Variants in PALM observed in about 807,000 individuals in gnomAD.
PALM encodes the protein paralemmin-1.
PALM carries 18 observed loss-of-function variants against 30.7 expected under a neutral mutation model. The ratio of observed to expected loss-of-function variants is 0.59; its 90% CI spans 0.41 to 0.87. PALM has a LOEUF of 0.87. PALM is among the 40% of genes least tolerant of loss of function. The pLI, the probability that PALM is intolerant of heterozygous loss-of-function variation, is 0.00. For synonymous variants in PALM, 286 were observed against 242.8 expected, an observed-to-expected ratio of 1.18 and a Z score of -1.66; for missense variants, 529 against 555.4, an observed-to-expected ratio of 0.95 and a Z score of 0.48.
chr19:710,907 G>A (rs553172148), intron 1 of PALM, among the ~76,000 whole-genome samples: 6 of 152,176 alleles, frequency 3.9e-5, no homozygotes, highest in Non-Finnish European at 5.9e-5. Context: ...ATCTGGTGCC[G>A]CCCGGCCTTG....
intron 1 of PALM, chr19:711,312 A>G (rs1464134016): frequency 2.1e-6 from 1 of 473,086 alleles, no homozygotes; most frequent in Non-Finnish European, 2.8e-6. Flanking sequence ...CTGGTAAAAT[A>G]AAGATATTTT....
chr19:727,772 G>T, intron 4 of PALM, 78 bp downstream of exon 4: 1 of 1,377,392 alleles, frequency 7.3e-7, no homozygotes, highest in Admixed American at 2.3e-5. Flanking sequence ...TGTGGGCTGG[G>T]AAGAGTCGTC....
At chr19:735,038 C>T (rs563600278) in intron 6 of PALM, 1 of 984,816 alleles carries the variant, frequency 1.0e-6, no homozygotes, top group African/African-American at 1.7e-5. Flanking sequence ...TTGTGAAAAT[C>T]ACTGGGCTGA....
intron 7 of PALM, among the ~76,000 whole-genome samples, chr19:737,715 C>A: frequency 6.6e-6 from 1 of 152,156 alleles, no homozygotes; most frequent in East Asian, 1.9e-4. Context: ...TGCAAAGGCC[C>A]CGGGGCAGGA....
chr19:724,366 G>A (rs1488325409), intron 1 of PALM, among the ~76,000 whole-genome samples: 1 of 152,076 alleles, frequency 6.6e-6, no homozygotes, highest in East Asian at 1.9e-4. Flanking sequence ...CTGTTGCCCA[G>A]GCTGGAGTGC....
intron 1 of PALM, among the ~76,000 whole-genome samples, chr19:724,197 G>T (rs1290314280): frequency 2.6e-5 from 4 of 152,134 alleles, no homozygotes; most frequent in African/African-American, 9.7e-5. Flanking sequence ...GGTGCCTGGT[G>T]GGGGTGGCGA....
At chr19:720,849 G>A (rs2032454686) in intron 1 of PALM, among the ~76,000 whole-genome samples, 2 of 152,316 alleles carry the variant, frequency 1.3e-5, no homozygotes, top group South Asian at 2.1e-4. Context: ...CCTGCCTGCC[G>A]GGTGGGGACC....
chr19:735,947 G>C lies in PALM; in HGVS notation c.443-72G>C, dbSNP rs1303116588. 5 of 1,300,112 alleles carry C rather than the reference G, an allele frequency of 3.8e-6. No homozygotes were observed. In the African/African-American group the frequency reaches 4.4e-5, roughly 12 times the overall value. 80.5% of individuals were successfully genotyped at this position (1,300,112 alleles called of 1,614,324 possible). A position where few individuals can be genotyped will look rare whatever the true frequency, so the allele number is the denominator to read the frequency against. ...GGATGCACTTCTGTGAAGGGGCGTTGGGCTGTCTGGGGGGTCCATGTGACC... is the reference window on the plus strand; with the variant it reads ...GGATGCACTTCTGTGAAGGGGCGTTCGGCTGTCTGGGGGGTCCATGTGACC... On this transcript the variant is annotated intron_variant, in intron 6 of 8. Transcript: ENST00000338448.
rs184380355 is a variant in PALM, at chr19:713,682, G to A, written c.5+4531G>A. Among the ~76,000 whole-genome samples the A allele has an allele frequency of 2.5e-3, 378 of 148,826 alleles. 6 individuals are homozygous for A. Among genetic ancestry groups the A allele is most frequent in the Admixed American group, 0.011 (162 of 14,906 alleles). ...CAACCTCTGCCTCCTGGGTTCACGCGATTCTCATGCCTCAGCCTCCCAAGC... is the reference window on the plus strand; with the variant it reads ...CAACCTCTGCCTCCTGGGTTCACGCAATTCTCATGCCTCAGCCTCCCAAGC... On this transcript the variant is annotated intron_variant, in intron 1 of 8. Transcript: ENST00000338448.
chr19:746,973 CAG>C lies in PALM; in HGVS notation c.*160_*161del, dbSNP rs2033367811. On this transcript the variant is annotated 3_prime_UTR_variant, in exon 9 of 9. Transcript: ENST00000338448. The surrounding 1 kb of genome is among the most constrained non-coding windows in gnomAD (Gnocchi z 7.1). ...AGTTTTCTTTCGCTGGAAAGAGGGA[CAG>C]GGGCCCCCACCCGTCACCACGCCCC... 6.5e-6 allele frequency: 4 copies of C among 612,882 alleles called. No homozygotes were observed. Among genetic ancestry groups the C allele is most frequent in the Admixed American group, 3.0e-5 (1 of 33,662 alleles). The allele number at this position is 612,882 out of a possible 1,614,324, so 38.0% of individuals were successfully genotyped here.
intron 8 of PALM, 86 bp downstream of exon 8, chr19:740,569 C>A: frequency 7.9e-7 from 1 of 1,268,996 alleles, no homozygotes. Context: ...CTGGCGTCTG[C>A]CCCGGAATCA....
chr19:727,893 G>A, intron 4 of PALM, 199 bp downstream of exon 4: 1 of 578,738 alleles, frequency 1.7e-6, no homozygotes, highest in Non-Finnish European at 3.0e-6. Context: ...GTCTGGGGCA[G>A]CTTGCTGGGG....
chr19:726,703 A>T (rs567468786), intron 2 of PALM, among the ~76,000 whole-genome samples: 13 of 152,264 alleles, frequency 8.5e-5, no homozygotes, highest in African/African-American at 2.9e-4. Context: ...GGGTTTCACC[A>T]TGTTGGCCAG....
rs573940441 is a variant in PALM, at chr19:720,167, C to T, written c.6-5971C>T. Among the ~76,000 whole-genome samples the T allele has an allele frequency of 1.4e-4, 22 of 152,016 alleles. 1 individual carries two copies. The South Asian group carries it at 4.6e-3, about 32-fold the overall frequency. On this transcript the variant is annotated intron_variant, in intron 1 of 8. Coordinates refer to ENST00000338448, the MANE Select transcript of PALM (RefSeq NM_002579.3). ...GAAGCCTCGGCCCCCCCCAATCCCCCCAAGCACAGGCCGGGGGCGGGAGAT... is the reference window on the plus strand; with the variant it reads ...GAAGCCTCGGCCCCCCCCAATCCCCTCAAGCACAGGCCGGGGGCGGGAGAT...
At position 713,118 on chromosome 19, in the gene PALM, C is replaced by A. The variant is rs144146509; in HGVS notation, c.5+3967C>A. On this transcript the variant is annotated intron_variant, in intron 1 of 8. Coordinates refer to ENST00000338448, the MANE Select transcript of PALM (RefSeq NM_002579.3). ...GTGGGCCGAGCATGCTCTCTCTAAGCCGCCGGGGACAGGGGAGGGTTTTTG... is the reference window on the plus strand; with the variant it reads ...GTGGGCCGAGCATGCTCTCTCTAAGACGCCGGGGACAGGGGAGGGTTTTTG... Among the ~76,000 whole-genome samples the A allele has an allele frequency of 9.1e-3, 1,378 of 152,212 alleles. 12 individuals are homozygous for A. Among genetic ancestry groups the A allele is most frequent in the Non-Finnish European group, 0.015 (990 of 68,016 alleles).
At position 741,486 on chromosome 19, in the gene PALM, T is replaced by C. The variant is rs1328841720; in HGVS notation, c.634+1003T>C. On this transcript the variant is annotated intron_variant, in intron 8 of 8. Coordinates refer to ENST00000338448, the MANE Select transcript of PALM (RefSeq NM_002579.3). The stretch of plus-strand genomic sequence containing the variant: ...GGTGAGGGGAGACGGGCTGCAGGGG[T>C]GAGGGGAGCTGGGCTGCAGGGGTGA... Among the ~76,000 whole-genome samples, 292 of 41,030 alleles carry C rather than the reference T, an allele frequency of 7.1e-3. 23 individuals are homozygous for C. Among genetic ancestry groups the C allele is most frequent in the African/African-American group, 0.029 (277 of 9,534 alleles). The allele number at this position is 41,030 out of a possible 152,430, so 26.9% of individuals were successfully genotyped here.
At chr19:727,735 C>A (rs746969769) in intron 4 of PALM, 41 bp downstream of exon 4, 1 of 1,502,238 alleles carries the variant, frequency 6.7e-7, no homozygotes, top group South Asian at 1.3e-5. Flanking sequence ...TGGGTGGGGC[C>A]TCGGGGGCCG....
In PALM at chr19:709,650, A is replaced by G. The variant is rs1325699699; in HGVS notation, c.5+499A>G. Among the ~76,000 whole-genome samples, 1 of 137,478 alleles carries G rather than the reference A, an allele frequency of 7.3e-6. No individual in the cohort carries two copies. The highest frequency in any genetic ancestry group is 2.3e-4 in the East Asian group (1 of 4,392). 90.2% of individuals were successfully genotyped at this position (137,478 alleles called of 152,430 possible). On this transcript the variant is annotated intron_variant, in intron 1 of 8. Transcript: ENST00000338448. The surrounding 1 kb of genome is among the most constrained non-coding windows in gnomAD (Gnocchi z 4.3). ...GGTGCCCCCCACCCCCGCCCTTCCC[A>G]AGGGCCTCCAGGGGTGTCCTGAGCC...
At chr19:724,583 A>G (rs966874766) in intron 1 of PALM, among the ~76,000 whole-genome samples, 14 of 149,676 alleles carry the variant, frequency 9.4e-5, no homozygotes, top group Non-Finnish European at 1.8e-4. Flanking sequence ...AGCCTCCCAA[A>G]GTGCTGGGAT....
Sources: allele counts gnomAD v4.1 joint callset (sites outside exome capture counted in the v4.1 genomes callset), GRCh38; gene constraint gnomAD v4.1.1; non-coding constraint Gnocchi (gnomAD v3.1); transcripts MANE v1.5; gene names NCBI Gene and HGNC (gene_info 2026-07-23, HGNC 2026-07-21).